The following ZNF791 variants were observed in gnomAD, a reference collection of about 807,000 sequenced individuals.
The protein encoded by ZNF791 is zinc finger protein 791.
A neutral mutation model predicts 11.5 loss-of-function variants in ZNF791; 4 were observed. That is an observed-to-expected ratio of 0.35 (90% CI 0.17 to 0.80). The LOEUF (loss-of-function observed/expected upper bound fraction) is 0.80. ZNF791 is among the 30% of genes least tolerant of loss of function. The pLI, the probability that ZNF791 is intolerant of heterozygous loss-of-function variation, is 0.53. For missense variants in ZNF791, 559 were observed against 699.4 expected, an observed-to-expected ratio of 0.80 and a Z score of 2.26; for synonymous variants, 212 against 228.1, an observed-to-expected ratio of 0.93 and a Z score of 0.64.
intron 1 of ZNF791, among the ~76,000 whole-genome samples, chr19:12,618,330 A>G (rs1479011945): frequency 2.0e-5 from 3 of 152,144 alleles, no homozygotes; most frequent in Admixed American, 6.6e-5. Flanking sequence ...TAGGCAACAT[A>G]GTGAGACCCA....
chr19:12,621,767 G>C (rs12983695), intron 1 of ZNF791, among the ~76,000 whole-genome samples: 1 of 125,494 alleles, frequency 8.0e-6, no homozygotes, highest in East Asian at 2.0e-4. Context: ...GGAGGGAGGT[G>C]GGGGGGGTCA....
chr19:12,615,715 G>T (rs1485549117), intron 1 of ZNF791, among the ~76,000 whole-genome samples: 4 of 150,460 alleles, frequency 2.7e-5, no homozygotes, highest in Admixed American at 6.7e-5. Context: ...GAAGGTGGAG[G>T]TTGCAGTGAG....
chr19:12,623,277 G>T, intron 1 of ZNF791: 1 of 173,556 alleles, frequency 5.8e-6, no homozygotes, highest in Non-Finnish European at 1.2e-5. Flanking sequence ...GTAGTGGTGT[G>T]TTCCTGTAGT....
intron 1 of ZNF791, among the ~76,000 whole-genome samples, chr19:12,613,194 A>G (rs552471176): frequency 6.8e-6 from 1 of 147,632 alleles, no homozygotes; most frequent in Non-Finnish European, 1.5e-5. Context: ...TCCGGACCGC[A>G]GGTGATCCAC....
intron 1 of ZNF791, among the ~76,000 whole-genome samples, chr19:12,619,250 T>C (rs981988525): frequency 6.6e-6 from 1 of 152,124 alleles, no homozygotes; most frequent in Non-Finnish European, 1.5e-5. Context: ...GTTTGCTTTG[T>C]GGAAAATAAT....
rs552730768 is a variant in ZNF791, at chr19:12,633,225, G to C, written c.*3965G>C. 4 of 151,318 alleles carry C rather than the reference G, an allele frequency of 2.6e-5. No individual in the cohort carries two copies. The Admixed American group carries it at 2.7e-4, about 10-fold the overall frequency. The allele number at this position is 151,318 out of a possible 1,614,324, so 9.4% of individuals were successfully genotyped here. On this transcript the variant is annotated 3_prime_UTR_variant, in exon 4 of 4. Coordinates refer to ENST00000343325, the MANE Select transcript of ZNF791 (RefSeq NM_153358.3). The stretch of plus-strand genomic sequence containing the variant: ...TATTCTTATGCGAATTATTATTTTC[G>C]CCTTTTTTTTATAATTCTGTCTGGG...
rs1263580398 is a variant in ZNF791, at chr19:12,630,896, A to G, written c.*1636A>G. The stretch of plus-strand genomic sequence containing the variant: ...AAAGTTTTTAAAAATAAGTTTATAA[A>G]GAAAATAATGTACAGTAAGTTAAGG... On this transcript the variant is annotated 3_prime_UTR_variant, in exon 4 of 4. Coordinates refer to ENST00000343325, the MANE Select transcript of ZNF791 (RefSeq NM_153358.3). 6.6e-6 allele frequency: 1 copy of G among 152,256 alleles called. No homozygotes were observed. The highest frequency in any genetic ancestry group is 2.4e-5 in the African/African-American group (1 of 41,474). The allele number at this position is 152,256 out of a possible 1,614,324, so 9.4% of individuals were successfully genotyped here.
chr19:12,627,393 A>G (rs1218155967), intron 3 of ZNF791, among the ~76,000 whole-genome samples: 5 of 152,252 alleles, frequency 3.3e-5, no homozygotes, highest in Middle Eastern at 3.4e-3. Flanking sequence ...TTGGGAGGCC[A>G]AGGCGGGCAG....
At chr19:12,613,624 C>T (rs984073965) in intron 1 of ZNF791, among the ~76,000 whole-genome samples, 2 of 152,024 alleles carry the variant, frequency 1.3e-5, no homozygotes, top group South Asian at 2.1e-4. Context: ...TTTAAAATTA[C>T]TAGTAGTGTT....
At position 12,627,826 on chromosome 19, in the gene ZNF791, A is replaced by G. The variant is rs758755437; in HGVS notation, c.297A>G (p.Pro99=). 1.2e-6 allele frequency: 2 copies of G among 1,614,190 alleles called. No homozygotes were observed. Among genetic ancestry groups the G allele is most frequent in the East Asian group, 4.5e-5 (2 of 44,884 alleles). The change falls in exon 4 of 4, where the codon CCA becomes CCG. Residue 99 remains proline, a synonymous_variant. Coordinates refer to ENST00000343325, the MANE Select transcript of ZNF791 (RefSeq NM_153358.3). ...CGAAGAAGACTGCCGGAGTAAAACC[A>G]TATGAGTGTACTATCTGTGGAAAAG... ...SVTKKTAGVK[P]YECTICGKAF...
intron 1 of ZNF791, among the ~76,000 whole-genome samples, chr19:12,620,554 G>A (rs2082529293): frequency 6.6e-6 from 1 of 152,038 alleles, no homozygotes; most frequent in African/African-American, 2.4e-5. Flanking sequence ...GACTTGTCAC[G>A]AGGGAGAGCT....
intron 1 of ZNF791, among the ~76,000 whole-genome samples, chr19:12,619,434 C>T (rs2023298265): frequency 6.8e-6 from 1 of 146,292 alleles, no homozygotes; most frequent in African/African-American, 2.5e-5. Context: ...GTCATCAACA[C>T]TAATGTTATC....
intron 1 of ZNF791, among the ~76,000 whole-genome samples, chr19:12,617,942 A>T (rs550018300): frequency 4.1e-4 from 53 of 130,794 alleles, no homozygotes; most frequent in African/African-American, 1.6e-3. Flanking sequence ...TTTGAGACAG[A>T]GTTTCGTCCT....
Position 12,627,739 on chromosome 19 carries a change from ACT to A in ZNF791, c.213_214del (p.Cys72Ter), listed in dbSNP as rs1294784052. On this transcript the variant is annotated frameshift_variant, in exon 4 of 4. Transcript: ENST00000343325. LOFTEE classifies it low-confidence loss of function (END_TRUNC). ...TTTACAGAAGCCATACGGGAGAGAG[ACT>A]CTGTGAAGGTAAAGAAGGTAGTCAA... ...RNLRSHTGERLCEGKEGSQCA... is the reference protein window; with the variant it reads ...RNLRSHTGERXCEGKEGSQCA... 4.3e-6 allele frequency: 7 copies of A among 1,612,184 alleles called. No homozygotes were observed. Among genetic ancestry groups the A allele is most frequent in the Non-Finnish European group, 5.9e-6 (7 of 1,178,528 alleles).
In ZNF791 at chr19:12,633,143, A is replaced by C. The variant is rs2023520283; in HGVS notation, c.*3883A>C. 1 of 152,100 alleles carries C rather than the reference A, an allele frequency of 6.6e-6. No homozygotes were observed. Among genetic ancestry groups the C allele is most frequent in the Non-Finnish European group, 1.5e-5 (1 of 68,016 alleles). The allele number at this position is 152,100 out of a possible 1,614,324, so 9.4% of individuals were successfully genotyped here. A position where few individuals can be genotyped will look rare whatever the true frequency, so the allele number is the denominator to read the frequency against. On this transcript the variant is annotated 3_prime_UTR_variant, in exon 4 of 4. Transcript: ENST00000343325. ...ATTTCAGCTAGAAGAGCCTTATTCCATTTTCCTTTTTATTAAACATCTGGC... is the reference window on the plus strand; with the variant it reads ...ATTTCAGCTAGAAGAGCCTTATTCCCTTTTCCTTTTTATTAAACATCTGGC...
At chr19:12,613,815 C>T (rs2023198582) in intron 1 of ZNF791, among the ~76,000 whole-genome samples, 1 of 152,084 alleles carries the variant, frequency 6.6e-6, no homozygotes, top group Admixed American at 6.6e-5. Flanking sequence ...CTGAAAGAAA[C>T]TGCAGAGCAC....
At chr19:12,627,021 A>G (rs1380900859) in intron 3 of ZNF791, among the ~76,000 whole-genome samples, 1 of 152,058 alleles carries the variant, frequency 6.6e-6, no homozygotes, top group East Asian at 1.9e-4. Context: ...TCTCTACAAG[A>G]AACAGAAAAT....
intron 3 of ZNF791, among the ~76,000 whole-genome samples, chr19:12,626,046 C>T (rs1029200466): frequency 6.6e-6 from 1 of 152,052 alleles, no homozygotes; most frequent in South Asian, 2.1e-4. Flanking sequence ...GAGACGGAGT[C>T]TCGCTCTGTC....
chr19:12,629,359 T>A lies in ZNF791; in HGVS notation c.*99T>A, dbSNP rs2023471416. Reference sequence around the variant, plus strand: ...ACTGAAGAGAGAAATCCTGTCAATGTAAGTAATATAGAAAGCGAGATACAA... The same window carrying A: ...ACTGAAGAGAGAAATCCTGTCAATGAAAGTAATATAGAAAGCGAGATACAA... On this transcript the variant is annotated 3_prime_UTR_variant, in exon 4 of 4. Transcript: ENST00000343325. The A allele has an allele frequency of 2.2e-6, 2 of 904,958 alleles. No homozygotes were observed. The highest frequency in any genetic ancestry group is 3.4e-5 in the Admixed American group (1 of 29,444). 56.1% of individuals were successfully genotyped at this position (904,958 alleles called of 1,614,324 possible).
Sources: allele counts gnomAD v4.1 joint callset (sites outside exome capture counted in the v4.1 genomes callset), GRCh38; gene constraint gnomAD v4.1.1; transcripts MANE v1.5; gene names NCBI Gene and HGNC (gene_info 2026-07-23, HGNC 2026-07-21).